Variants in SBF1 observed in about 807,000 individuals in gnomAD.
SBF1 encodes SET binding factor 1.
A neutral mutation model predicts 215.8 loss-of-function variants in SBF1; 65 were observed. The ratio of observed to expected loss-of-function variants is 0.30; its 90% CI spans 0.25 to 0.37. The LOEUF (loss-of-function observed/expected upper bound fraction) is 0.37. Ranked by LOEUF, SBF1 falls within the 10% of genes least tolerant of loss-of-function variation. The pLI, the probability that SBF1 is intolerant of heterozygous loss-of-function variation, is 1.00. For missense variants in SBF1, 2,634 were observed against 2,667.8 expected (o/e 0.99, Z 0.28); for synonymous variants, 1,410 against 1,122.8 (o/e 1.26, Z -5.11).
chr22:50,448,177 GACCCCAGAAC>G, intron 38 of SBF1, 46 bp downstream of exon 38: 1 of 1,549,840 alleles, frequency 6.5e-7, no homozygotes, highest in Non-Finnish European at 8.8e-7. Flanking sequence ...GACTGCCTGG[GACCCCAGAAC>G]ACCAGCTCAG....
intron 1 of SBF1, among the ~76,000 whole-genome samples, chr22:50,471,727 G>T (rs1357495284): frequency 2.6e-5 from 4 of 151,992 alleles, no homozygotes; most frequent in African/African-American, 9.7e-5. Flanking sequence ...TCTGACCCAA[G>T]GCCTTGGACC....
At chr22:50,454,079 G>A (rs1474104809) in intron 36 of SBF1, among the ~76,000 whole-genome samples, 1 of 152,220 alleles carries the variant, frequency 6.6e-6, no homozygotes, top group African/African-American at 2.4e-5. Context: ...AGGCCTCAAT[G>A]TCAACCCCAA....
rs756416392 is a variant in SBF1, at chr22:50,459,982, G to A, written c.3461C>T (p.Pro1154Leu). ...RAKSEPFRIS[P>L]VNRMYAICRS... ...GCAGATGGCATACATGCGGTTGACC[G>A]GAGAAATGCGGAAGGGCTCAGACTT... Residue 1154 changes from proline to leucine, a missense_variant, in exon 26 of 41, where the codon CCG becomes CTG. Coordinates refer to ENST00000380817, the MANE Select transcript of SBF1 (RefSeq NM_002972.4). The A allele has an allele frequency of 1.1e-5, 17 of 1,613,770 alleles. No homozygotes were observed. Among genetic ancestry groups the A allele is most frequent in the East Asian group, 6.7e-5 (3 of 44,896 alleles).
chr22:50,465,308 G>A lies in SBF1; in HGVS notation c.1110C>T (p.Val370=). ...LKMQDKELRA[V]FLRLFAQLLQ... Reference sequence around the variant, plus strand: ...GCAGCTGAGCGAACAGCCGCAGGAAGACCGCGCGCAGCTCCTTGTCCTGGG... The same window carrying A: ...GCAGCTGAGCGAACAGCCGCAGGAAAACCGCGCGCAGCTCCTTGTCCTGGG... The change falls in exon 11 of 41, where the codon GTC becomes GTT. Residue 370 remains valine (V), a synonymous_variant. Transcript: ENST00000380817. 1 of 1,599,146 alleles carries A rather than the reference G, an allele frequency of 6.3e-7. No individual in the cohort carries two copies. Among genetic ancestry groups the A allele is most frequent in the Non-Finnish European group, 8.5e-7 (1 of 1,173,772 alleles).
rs373208315 is a variant in SBF1, at chr22:50,456,520, T to C, written c.4058A>G (p.Tyr1353Cys). 1.2e-4 allele frequency: 180 copies of C among 1,527,824 alleles called. No individual in the cohort carries two copies. The highest frequency in any genetic ancestry group is 1.5e-4 in the Non-Finnish European group (173 of 1,133,950). 94.6% of individuals were successfully genotyped at this position (1,527,824 alleles called of 1,614,324 possible). ...GAGCTGGGCTTTGTCCCCAAGGATATAGAGGGCTGCTCGCTGCGGACGCAG... is the reference window on the plus strand; with the variant it reads ...GAGCTGGGCTTTGTCCCCAAGGATACAGAGGGCTGCTCGCTGCGGACGCAG... The part of the protein sequence containing the change: ...GFLRPQRAAL[Y>C]ILGDKAQLKG... The change falls in exon 30 of 41, where the codon TAT (tyrosine) becomes TGT (cysteine). Residue 1353 changes from tyrosine to cysteine, a missense_variant. Transcript: ENST00000380817.
intron 30 of SBF1, 36 bp downstream of exon 30, chr22:50,456,456 C>G (rs921256124): frequency 1.3e-6 from 2 of 1,485,912 alleles, no homozygotes; most frequent in Non-Finnish European, 8.9e-7. Context: ...CTGCCGAGCC[C>G]CCACCCTCAC....
At position 50,464,926 on chromosome 22, in the gene SBF1, G is replaced by A. The variant is rs751118463; in HGVS notation, c.1333-9C>T. 6.2e-7 allele frequency: 1 copy of A among 1,613,678 alleles called. No individual in the cohort carries two copies. The highest frequency in any genetic ancestry group is 1.1e-5 in the South Asian group (1 of 91,076). ...ACCTCGTGGGCCACCAGCTAGCGGGGTAAGCAGGAGGTTAGGTAAGCCATG... is the reference window on the plus strand; with the variant it reads ...ACCTCGTGGGCCACCAGCTAGCGGGATAAGCAGGAGGTTAGGTAAGCCATG... On this transcript the variant is annotated splice_polypyrimidine_tract_variant and intron_variant, in intron 12 of 40. Transcript: ENST00000380817.
At position 50,462,411 on chromosome 22, in the gene SBF1, C is replaced by T; in HGVS notation, c.2190G>A (p.Gln730=). ...GACTCAGAGTTGGCCACAAGCGCCG[C>T]TGCTCAGAAGCCACGTCTAGGGCAG... ...ERSALDVASE[Q]RRLWPTLSRE... Residue 730 remains glutamine, a synonymous_variant, in exon 19 of 41, where the codon CAG becomes CAA. Transcript: ENST00000380817. 6.2e-7 allele frequency: 1 copy of T among 1,614,074 alleles called. No individual in the cohort carries two copies. The highest frequency in any genetic ancestry group is 8.5e-7 in the Non-Finnish European group (1 of 1,180,010).
Position 50,455,549 on chromosome 22 carries a change from C to T in SBF1, c.4300G>A (p.Val1434Met). The change falls in exon 32 of 41, where the codon GTG becomes ATG. Residue 1434 changes from valine to methionine, a missense_variant. Physicochemically the swap from Val to Met is conservative, Grantham distance 21. Coordinates refer to ENST00000380817, the MANE Select transcript of SBF1 (RefSeq NM_002972.4). ...HKLLQVSVLV[V>M]ELLDSGSSVL... is the part of the protein sequence containing the mutation. ...GAGGAGCCTGAATCCAGGAGCTCCA[C>T]CACCAGCACAGACACCTGCAGCAGC... 1.3e-6 allele frequency: 2 copies of T among 1,593,276 alleles called. No individual in the cohort carries two copies. The highest frequency in any genetic ancestry group is 3.3e-4 in the Middle Eastern group (2 of 6,048).
chr22:50,468,936 C>A (rs756751490), intron 1 of SBF1, among the ~76,000 whole-genome samples: 7 of 152,158 alleles, frequency 4.6e-5, no homozygotes, highest in Non-Finnish European at 1.0e-4. Flanking sequence ...GTTCAAGAAG[C>A]CTCAGCCCCA....
intron 28 of SBF1, among the ~76,000 whole-genome samples, chr22:50,457,973 G>T (rs1220536421): frequency 6.6e-6 from 1 of 152,200 alleles, no homozygotes; most frequent in East Asian, 1.9e-4. Context: ...GCCTGCTTTG[G>T]ACGCCAACCA....
chr22:50,470,914 C>T (rs1276186097), intron 1 of SBF1, among the ~76,000 whole-genome samples: 1 of 152,192 alleles, frequency 6.6e-6, no homozygotes, highest in Non-Finnish European at 1.5e-5. Flanking sequence ...CTTCTGAGGT[C>T]CCAGCCTGCA....
rs2148622381 is a variant in SBF1 at position 50,474,769 on chromosome 22, T to C, written c.55+17A>G. ...ACCCTCGGCCCCCGGCCCTCAGCGC[T>C]TGGCCTCGGCACTCACCGCGCGGGT... On this transcript the variant is annotated intron_variant, in intron 1 of 40. Coordinates refer to ENST00000380817, the MANE Select transcript of SBF1 (RefSeq NM_002972.4). 3 of 1,459,304 alleles carry C rather than the reference T, an allele frequency of 2.1e-6. No individual in the cohort carries two copies. The highest frequency in any genetic ancestry group is 2.3e-5 in the Admixed American group (1 of 43,034). The allele number at this position is 1,459,304 out of a possible 1,614,324, so 90.4% of individuals were successfully genotyped here.
In SBF1 at chr22:50,463,353, T is replaced by C; in HGVS notation, c.1829A>G (p.Gln610Arg). The C allele has an allele frequency of 6.2e-7, 1 of 1,611,224 alleles. No individual in the cohort carries two copies. The change falls in exon 16 of 41, where the codon CAG becomes CGG. Residue 610 changes from glutamine (Q) to arginine (R), a missense_variant. By Grantham distance (43) the Gln-to-Arg change is conservative (BLOSUM62 1). Coordinates refer to ENST00000380817, the MANE Select transcript of SBF1 (RefSeq NM_002972.4). ...GTGGTCCAGGACCGCACGGTTCTGC[T>C]GCACATGCAGGTGCAGCTCCTGGGC... Reference protein sequence around the residue: ...CLAQELHLHVQQNRAVLDHQQ... With the variant: ...CLAQELHLHVRQNRAVLDHQQ...
intron 33 of SBF1, 40 bp downstream of exon 33, chr22:50,455,184 G>A: frequency 2.5e-6 from 4 of 1,613,670 alleles, no homozygotes; most frequent in Non-Finnish European, 3.4e-6. Flanking sequence ...CAGCGGTCAG[G>A]GTGCACAGTC....
At chr22:50,466,753 CCAGCCCAGAGT>C in intron 5 of SBF1, 43 bp from the exon 6 acceptor site, 2 of 1,389,590 alleles carry the variant, frequency 1.4e-6, no homozygotes, top group Non-Finnish European at 2.0e-6. Flanking sequence ...TTGGCCAGAG[CCAGCCCAGAGT>C]CAGCCCAGAG....
At chr22:50,469,889 G>A (rs2067935092) in intron 1 of SBF1, among the ~76,000 whole-genome samples, 1 of 152,312 alleles carries the variant, frequency 6.6e-6, no homozygotes, top group South Asian at 2.1e-4. Flanking sequence ...AGGGTTACAG[G>A]GGCAGAGCCA....
At chr22:50,473,904 A>G (rs958194438) in intron 1 of SBF1, among the ~76,000 whole-genome samples, 4 of 152,220 alleles carry the variant, frequency 2.6e-5, no homozygotes, top group African/African-American at 9.7e-5. Context: ...GATGGGGGCA[A>G]CACCAGGGCA....
At chr22:50,455,658 G>A (rs1389523096) in intron 31 of SBF1, 76 bp from the exon 32 acceptor site, 56 of 1,244,804 alleles carry the variant, frequency 4.5e-5, no homozygotes, top group South Asian at 3.9e-4. Context: ...CCAGAGACCC[G>A]CATGTCCACA....
Sources: gnomAD v4.1 joint callset for allele counts (sites outside exome capture counted in the v4.1 genomes callset) on GRCh38, gnomAD v4.1.1 for gene constraint, MANE v1.5 for transcripts, NCBI Gene and HGNC (gene_info 2026-07-23, HGNC 2026-07-21) for gene names.